GSPT1: variants seen among roughly 807,000 people sequenced by gnomAD.
GSPT1 encodes the protein eukaryotic peptide chain release factor GTP-binding subunit ERF3A.
A neutral mutation model predicts 72.5 loss-of-function variants in GSPT1; 20 were observed. The observed-to-expected ratio is 0.28, with a 90% CI of 0.19 to 0.40. The LOEUF is 0.40. Ranked by LOEUF, GSPT1 falls within the 10% of genes least tolerant of loss-of-function variation. The pLI is 1.00. For synonymous variants in GSPT1, 334 were observed against 293.5 expected, an observed-to-expected ratio of 1.14 and a Z score of -1.41; for missense variants, 580 against 811.9, an observed-to-expected ratio of 0.71 and a Z score of 3.47.
In GSPT1 at chr16:11,877,578, G is replaced by A; in HGVS notation, c.1431C>T (p.His477=). The stretch of plus-strand genomic sequence containing the variant: ...AAAGTATTCCAAGAACTTCCACGTT[G>A]TGCTTTAAAAGAAAACAAGACTGGA... ...GQQLVMMPNK[H]NVEVLGILSD... The change falls in exon 12 of 15, where the codon CAC becomes CAT. Residue 477 remains histidine, a splice_region_variant and synonymous_variant. Transcript: ENST00000434724. The surrounding 1 kb of genome is among the most constrained non-coding windows in gnomAD (Gnocchi z 4.0). 6.3e-7 allele frequency: 1 copy of A among 1,583,422 alleles called. No homozygotes were observed. The highest frequency in any genetic ancestry group is 2.3e-5 in the East Asian group (1 of 44,342).
chr16:11,889,901 A>C (rs1257561571), intron 6 of GSPT1, among the ~76,000 whole-genome samples: 2 of 151,916 alleles, frequency 1.3e-5, no homozygotes, highest in Non-Finnish European at 2.9e-5. Flanking sequence ...CTTGCCTCCC[A>C]AAGTGCTGAG....
chr16:11,914,623 T>C (rs1304694101), intron 1 of GSPT1, among the ~76,000 whole-genome samples: 1 of 152,244 alleles, frequency 6.6e-6, no homozygotes, highest in Non-Finnish European at 1.5e-5. Context: ...GAAAATTCTC[T>C]AAACGTGTCG....
chr16:11,915,943 T>G lies in GSPT1; in HGVS notation c.-223A>C, dbSNP rs752734854. The stretch of plus-strand genomic sequence containing the variant: ...GGCGGCGGCAGCTCAACCCTCCTCC[T>G]CGTGTGTGTGAGCGGATCTCCTCCC... On this transcript the variant is annotated 5_prime_UTR_variant, in exon 1 of 15. Transcript: ENST00000434724. 2.7e-6 allele frequency: 2 copies of G among 744,664 alleles called. No homozygotes were observed. The highest frequency in any genetic ancestry group is 2.7e-5 in the South Asian group (2 of 73,754). The allele number at this position is 744,664 out of a possible 1,614,324, so 46.1% of individuals were successfully genotyped here.
chr16:11,915,045 C>T, intron 1 of GSPT1: 1 of 1,291,130 alleles, frequency 7.7e-7, no homozygotes, highest in Non-Finnish European at 1.0e-6. Flanking sequence ...AGGGATCCGC[C>T]GCGGCCCCCA....
At chr16:11,887,816 C>T in intron 6 of GSPT1, 66 bp from the exon 7 acceptor site, 4 of 1,068,714 alleles carry the variant, frequency 3.7e-6, no homozygotes, top group East Asian at 4.7e-5. Context: ...ATATTCTTCA[C>T]CATTAAAGAT....
intron 11 of GSPT1, chr16:11,880,207 A>C (rs973166000): frequency 1.3e-5 from 2 of 152,240 alleles, no homozygotes; most frequent in Admixed American, 6.5e-5. Flanking sequence ...TATTACGTGT[A>C]TGTAACACGC....
intron 11 of GSPT1, among the ~76,000 whole-genome samples, chr16:11,880,572 T>C (rs2054109432): frequency 6.6e-6 from 1 of 152,220 alleles, no homozygotes; most frequent in African/African-American, 2.4e-5. Flanking sequence ...GTGATCCTCC[T>C]GCCTCAGCTT....
intron 5 of GSPT1, among the ~76,000 whole-genome samples, chr16:11,891,861 A>G (rs1325458174): frequency 6.7e-6 from 1 of 150,214 alleles, no homozygotes; most frequent in Non-Finnish European, 1.5e-5. Flanking sequence ...ACTGGGTTTC[A>G]CCATGGTCAG....
rs1397570075 is a variant in GSPT1, at chr16:11,895,937, T to C, written c.664+621A>G. Among the ~76,000 whole-genome samples, 8 of 152,374 alleles carry C rather than the reference T, an allele frequency of 5.3e-5. No homozygotes were observed. The East Asian group carries it at 1.5e-3, about 29-fold the overall frequency. On this transcript the variant is annotated intron_variant, in intron 4 of 14. Coordinates refer to ENST00000434724, the MANE Select transcript of GSPT1 (RefSeq NM_002094.4). Reference sequence around the variant, plus strand: ...ACAGTGCCCAGCCGCTCCTTTACACTTTCAAAAGAGTTCTTGCTACTAAAA... The same window carrying C: ...ACAGTGCCCAGCCGCTCCTTTACACCTTCAAAAGAGTTCTTGCTACTAAAA...
intron 13 of GSPT1, 38 bp from the exon 14 acceptor site, chr16:11,875,967 C>T (rs1259016400): frequency 6.4e-6 from 10 of 1,564,778 alleles, no homozygotes; most frequent in Non-Finnish European, 8.8e-6. Flanking sequence ...CAGAATAATG[C>T]CAAATAAAAT....
intron 5 of GSPT1, among the ~76,000 whole-genome samples, chr16:11,892,828 T>C (rs1320815259): frequency 1.5e-3 from 1 of 680 alleles, no homozygotes; most frequent in Admixed American, 0.024. Context: ...AGATTCTGTC[T>C]CAAAAAAAAA....
At chr16:11,885,866 G>T (rs1480285438) in intron 9 of GSPT1, among the ~76,000 whole-genome samples, 1 of 152,054 alleles carries the variant, frequency 6.6e-6, no homozygotes, top group African/African-American at 2.4e-5. Context: ...ACTCCAGCCT[G>T]GTTAACAGAG....
At chr16:11,909,074 AC>A (rs2054525324) in intron 1 of GSPT1, among the ~76,000 whole-genome samples, 1 of 152,050 alleles carries the variant, frequency 6.6e-6, no homozygotes, top group South Asian at 2.1e-4. Flanking sequence ...TTACCCAGTG[AC>A]ATTCTGCAGA....
At chr16:11,887,358 C>G (rs1451914260) in intron 7 of GSPT1, among the ~76,000 whole-genome samples, 4 of 151,966 alleles carry the variant, frequency 2.6e-5, no homozygotes, top group African/African-American at 9.7e-5. Flanking sequence ...TAGATAATAG[C>G]AACAGGAGAG....
intron 1 of GSPT1, among the ~76,000 whole-genome samples, chr16:11,901,001 A>G (rs1241753556): frequency 6.6e-6 from 1 of 150,548 alleles, no homozygotes; most frequent in Non-Finnish European, 1.5e-5. Flanking sequence ...CAAAAAAAGA[A>G]AAACAAAAAA....
Position 11,870,282 on chromosome 16 carries a change from T to C in GSPT1, c.*2837A>G, listed in dbSNP as rs1363766345. On this transcript the variant is annotated 3_prime_UTR_variant, in exon 15 of 15. Coordinates refer to ENST00000434724, the MANE Select transcript of GSPT1 (RefSeq NM_002094.4). ...GAAATGAGTGCTGTATTTCCCCCTC[T>C]CCCACAGTAAGAAACAAGGGTTTAA... 6.6e-6 allele frequency: 1 copy of C among 152,170 alleles called. No individual in the cohort carries two copies. The highest frequency in any genetic ancestry group is 1.9e-4 in the East Asian group (1 of 5,200). The allele number at this position is 152,170 out of a possible 1,614,324, so 9.4% of individuals were successfully genotyped here.
rs1014525190 is a variant in GSPT1 at position 11,898,047 on chromosome 16, A to T, written c.353-12T>A. On this transcript the variant is annotated splice_polypyrimidine_tract_variant and intron_variant, in intron 1 of 14. Coordinates refer to ENST00000434724, the MANE Select transcript of GSPT1 (RefSeq NM_002094.4). ...GGATTCCACAGGTGCTGTTTAACAG[A>T]AAGAAGTTCTATTAAAAATTGATAC... The T allele has an allele frequency of 6.6e-7, 1 of 1,522,964 alleles. No individual in the cohort carries two copies. The highest frequency in any genetic ancestry group is 8.9e-7 in the Non-Finnish European group (1 of 1,121,144). The allele number at this position is 1,522,964 out of a possible 1,614,324, so 94.3% of individuals were successfully genotyped here. A position where few individuals can be genotyped will look rare whatever the true frequency, so the allele number is the denominator to read the frequency against.
At chr16:11,902,846 CA>C (rs1237176982) in intron 1 of GSPT1, among the ~76,000 whole-genome samples, 10 of 151,942 alleles carry the variant, frequency 6.6e-5, no homozygotes, top group Admixed American at 6.6e-4. Context: ...CTCAGCCTCC[CA>C]AAGTCCCGGG....
chr16:11,905,826 G>A lies in GSPT1; in HGVS notation c.353-7791C>T, dbSNP rs369443849. Among the ~76,000 whole-genome samples the A allele has an allele frequency of 1.4e-4, 21 of 152,054 alleles. No homozygotes were observed. In the East Asian group the frequency reaches 3.5e-3, roughly 25 times the overall value. Reference sequence around the variant, plus strand: ...GCACTCCAGCCTGGGCGACAAGAGCGAGACTCTGTCTCAAAAATAAGTAAG... The same window carrying A: ...GCACTCCAGCCTGGGCGACAAGAGCAAGACTCTGTCTCAAAAATAAGTAAG... On this transcript the variant is annotated intron_variant, in intron 1 of 14. Transcript: ENST00000434724.
Sources: allele counts gnomAD v4.1 joint callset (sites outside exome capture counted in the v4.1 genomes callset), GRCh38; gene constraint gnomAD v4.1.1; non-coding constraint Gnocchi (gnomAD v3.1); transcripts MANE v1.5; gene names NCBI Gene and HGNC (gene_info 2026-07-23, HGNC 2026-07-21).